The following DOK5 variants were observed in gnomAD, a reference collection of about 807,000 sequenced individuals.
DOK5 encodes the protein docking protein 5.
A neutral mutation model predicts 43.3 loss-of-function variants in DOK5; 27 were observed. The ratio of observed to expected loss-of-function variants is 0.62; its 90% CI spans 0.46 to 0.86. The LOEUF is 0.86. Among genes scored for constraint, DOK5 ranks in the 40% least tolerant of loss-of-function variants. The pLI is 0.00. For missense variants in DOK5, 373 were observed against 392.9 expected (o/e 0.95, Z 0.43); for synonymous variants, 146 against 140.1 (o/e 1.04, Z -0.30).
In DOK5 at chr20:54,574,408, TC is replaced by T. The variant is rs138544130; in HGVS notation, c.175-14074del. Among the ~76,000 whole-genome samples, 790 of 152,216 alleles carry T rather than the reference TC, an allele frequency of 5.2e-3. 5 individuals carry two copies. Among genetic ancestry groups the T allele is most frequent in the Middle Eastern group, 0.027 (8 of 294 alleles). On this transcript the variant is annotated intron_variant, in intron 2 of 7. Coordinates refer to ENST00000262593, the MANE Select transcript of DOK5 (RefSeq NM_018431.5). The stretch of plus-strand genomic sequence containing the variant: ...TGACATTTTAATGCCACTGTTCCTT[TC>T]TTGAGGAAGCTACCTGAGTGTGTAT...
intron 2 of DOK5, among the ~76,000 whole-genome samples, chr20:54,576,901 A>G (rs1223186717): frequency 6.6e-6 from 1 of 152,190 alleles, no homozygotes; most frequent in Non-Finnish European, 1.5e-5. Context: ...TCGCATTTCC[A>G]AGTGGTGTAC....
chr20:54,512,304 C>G (rs1983040192), intron 1 of DOK5, among the ~76,000 whole-genome samples: 1 of 152,214 alleles, frequency 6.6e-6, no homozygotes, highest in African/African-American at 2.4e-5. Flanking sequence ...ATAATGCAGT[C>G]TTTTAGATTT....
intron 1 of DOK5, among the ~76,000 whole-genome samples, chr20:54,527,709 A>C (rs1220156790): frequency 6.6e-6 from 1 of 152,228 alleles, no homozygotes; most frequent in Non-Finnish European, 1.5e-5. Context: ...TGGCAAAGGA[A>C]TACAGGGAAC....
intron 2 of DOK5, among the ~76,000 whole-genome samples, chr20:54,560,485 C>G (rs1183064005): frequency 6.6e-6 from 1 of 152,204 alleles, no homozygotes; most frequent in Non-Finnish European, 1.5e-5. Flanking sequence ...AAGAGGTTGA[C>G]TGTAGTACAA....
intron 6 of DOK5, among the ~76,000 whole-genome samples, chr20:54,625,947 A>G (rs1400551293): frequency 2.0e-5 from 3 of 152,224 alleles, no homozygotes; most frequent in Non-Finnish European, 4.4e-5. Context: ...CTATGAGCAT[A>G]TACAAGAAAT....
intron 3 of DOK5, 41 bp from the exon 4 acceptor site, chr20:54,588,646 G>T (rs1356800713): frequency 6.2e-7 from 1 of 1,614,016 alleles, no homozygotes; most frequent in Non-Finnish European, 8.5e-7. Context: ...ATTCTGAATG[G>T]ATGCTGGGCA....
At chr20:54,507,768 GA>G (rs1434310410) in intron 1 of DOK5, among the ~76,000 whole-genome samples, 1 of 152,166 alleles carries the variant, frequency 6.6e-6, no homozygotes, top group Non-Finnish European at 1.5e-5. Flanking sequence ...GGCTTCTTAT[GA>G]TAATTAAAAG....
intron 1 of DOK5, among the ~76,000 whole-genome samples, chr20:54,478,147 G>T (rs563894068): frequency 3.3e-4 from 50 of 152,222 alleles, no homozygotes; most frequent in African/African-American, 1.2e-3. Flanking sequence ...AAGTAAATCT[G>T]GTCTTATTTG....
intron 1 of DOK5, among the ~76,000 whole-genome samples, chr20:54,485,273 G>T (rs1227153717): frequency 6.6e-6 from 1 of 151,460 alleles, no homozygotes; most frequent in Non-Finnish European, 1.5e-5. Flanking sequence ...GGCGGAGGTT[G>T]CAGTGAGCGG....
chr20:54,581,234 A>T (rs76841894), intron 2 of DOK5, among the ~76,000 whole-genome samples: 13,689 of 151,924 alleles, frequency 0.09, 1,848 homozygotes, highest in African/African-American at 0.3. Context: ...ATGTGTCTGT[A>T]TGTTTGCCTA....
intron 1 of DOK5, among the ~76,000 whole-genome samples, chr20:54,505,299 A>G (rs538226308): frequency 6.6e-6 from 1 of 152,222 alleles, no homozygotes; most frequent in Admixed American, 6.5e-5. Flanking sequence ...AGCCATACCC[A>G]TTAGTTTACA....
chr20:54,627,420 TATTAGTAGATCCATTTCATA>T (rs1323225222), intron 6 of DOK5, among the ~76,000 whole-genome samples: 6 of 152,194 alleles, frequency 3.9e-5, no homozygotes, highest in African/African-American at 1.4e-4. Context: ...TTATTGGACA[TATTAGTAGATCCATTTCATA>T]ATGGCAGAAA....
At chr20:54,545,809 T>C (rs780145908) in intron 1 of DOK5, among the ~76,000 whole-genome samples, 26 of 152,226 alleles carry the variant, frequency 1.7e-4, no homozygotes, top group Admixed American at 5.9e-4. Flanking sequence ...ACTATCACTG[T>C]GGGTGAACAC....
At chr20:54,605,410 C>T (rs1050000218) in intron 5 of DOK5, among the ~76,000 whole-genome samples, 23 of 152,226 alleles carry the variant, frequency 1.5e-4, no homozygotes, top group African/African-American at 5.3e-4. Flanking sequence ...TGAATCTTCA[C>T]AGTACCCAGG....
intron 5 of DOK5, among the ~76,000 whole-genome samples, chr20:54,609,585 G>C (rs554315103): frequency 2.3e-4 from 34 of 150,804 alleles, no homozygotes; most frequent in African/African-American, 8.4e-4. Flanking sequence ...AAAATATATA[G>C]AGAGCATATA....
At chr20:54,508,915 C>T (rs1392197486) in intron 1 of DOK5, among the ~76,000 whole-genome samples, 1 of 150,994 alleles carries the variant, frequency 6.6e-6, no homozygotes, top group African/African-American at 2.4e-5. Context: ...CTCGCTGTCT[C>T]ACCCAGGCTT....
At chr20:54,644,253 G>A (rs1979262399) in intron 7 of DOK5, among the ~76,000 whole-genome samples, 1 of 152,184 alleles carries the variant, frequency 6.6e-6, no homozygotes, top group African/African-American at 2.4e-5. Flanking sequence ...AGCCCATAGT[G>A]TGGACAACAT....
intron 6 of DOK5, among the ~76,000 whole-genome samples, chr20:54,617,514 G>A (rs190038033): frequency 1.3e-5 from 2 of 152,046 alleles, no homozygotes; most frequent in East Asian, 1.9e-4. Context: ...GTAGACATGA[G>A]GTCTCCCTAT....
chr20:54,592,779 G>A (rs775601075), intron 5 of DOK5, among the ~76,000 whole-genome samples: 1 of 152,120 alleles, frequency 6.6e-6, no homozygotes, highest in South Asian at 2.1e-4. Context: ...CTGACCTCGC[G>A]CTTCGGCCTT....
Sources: allele counts gnomAD v4.1 joint callset (sites outside exome capture counted in the v4.1 genomes callset), GRCh38; gene constraint gnomAD v4.1.1; transcripts MANE v1.5; gene names NCBI Gene and HGNC (gene_info 2026-07-23, HGNC 2026-07-21).